The following BRIP1 variants were observed in gnomAD, a reference collection of about 807,000 sequenced individuals.
BRIP1 encodes BRCA1 interacting DNA helicase 1.
BRIP1 carries 88 observed loss-of-function variants against 119.7 expected under a neutral mutation model. The ratio of observed to expected loss-of-function variants is 0.74; its 90% CI spans 0.62 to 0.88. BRIP1 has a LOEUF of 0.88. Among genes scored for constraint, BRIP1 ranks in the 40% least tolerant of loss-of-function variants. The pLI is 0.00. For synonymous variants in BRIP1, 443 were observed against 496.5 expected (o/e 0.89, Z 1.43); for missense variants, 1,259 against 1,455.4 (o/e 0.87, Z 2.20).
In BRIP1 at chr17:61,726,257, C is replaced by T. The variant is rs2144520143; in HGVS notation, c.2380-10194G>A. Among the ~76,000 whole-genome samples the T allele has an allele frequency of 6.6e-6, 1 of 152,266 alleles. No individual in the cohort carries two copies. The highest frequency in any genetic ancestry group is 1.9e-4 in the East Asian group (1 of 5,186). On this transcript the variant is annotated intron_variant, in intron 16 of 19. Coordinates refer to ENST00000259008, the MANE Select transcript of BRIP1 (RefSeq NM_032043.3). The surrounding 1 kb of genome is among the most constrained non-coding windows in gnomAD (Gnocchi z 6.2). ...TTGAAGTTGGAGACTGTGTGCCAAC[C>T]TTACCTTAGAGAATTGGTTGAAGAA...
rs867930516 is a variant in BRIP1 at position 61,732,696 on chromosome 17, A to T, written c.2379+10317T>A. ...TGACAAAACATTCAATATCATTAAC[A>T]TTTTTTTTTTTTTGAGACAGTGTCT... is the stretch of plus-strand genomic sequence containing the variant. On this transcript the variant is annotated intron_variant, in intron 16 of 19. Transcript: ENST00000259008. Among the ~76,000 whole-genome samples the T allele has an allele frequency of 5.0e-4, 73 of 146,494 alleles. 1 individual carries two copies. Among genetic ancestry groups the T allele is most frequent in the South Asian group, 8.7e-4 (4 of 4,608 alleles).
At chr17:61,721,692 CTTTTTT>C (rs71150632) in intron 16 of BRIP1, among the ~76,000 whole-genome samples, 5 of 73,632 alleles carry the variant, frequency 6.8e-5, no homozygotes, top group South Asian at 1.2e-3. Flanking sequence ...TAGACTTTGC[CTTTTTT>C]TTTTTTTTTT....
In BRIP1 at chr17:61,728,871, A is replaced by G. The variant is rs190650268; in HGVS notation, c.2380-12808T>C. On this transcript the variant is annotated intron_variant, in intron 16 of 19. Transcript: ENST00000259008. ...ACTGGCCTGTTATCTGACAGGTCTGATAGAAAAACTGTATTGAGAGGCATG... is the reference window on the plus strand; with the variant it reads ...ACTGGCCTGTTATCTGACAGGTCTGGTAGAAAAACTGTATTGAGAGGCATG... 2.5e-3 allele frequency among the ~76,000 whole-genome samples: 374 copies of G among 152,310 alleles called. 4 individuals carry two copies. Among genetic ancestry groups the G allele is most frequent in the Non-Finnish European group, 3.1e-3 (214 of 68,020 alleles).
At position 61,729,501 on chromosome 17, in the gene BRIP1, A is replaced by C. The variant is rs550718430; in HGVS notation, c.2380-13438T>G. Among the ~76,000 whole-genome samples, 2 of 152,254 alleles carry C rather than the reference A, an allele frequency of 1.3e-5. No individual in the cohort carries two copies. Among genetic ancestry groups the C allele is most frequent in the East Asian group, 3.9e-4 (2 of 5,178 alleles). On this transcript the variant is annotated intron_variant, in intron 16 of 19. Transcript: ENST00000259008. This position sits in a 1 kb window ranked among gnomAD's most constrained non-coding sequence, Gnocchi z 5.6. ...ATTTAATAGTTCATGTCTAAAACTG[A>C]TTAAATAAAGATAAAATATGGAGGT...
In BRIP1 at chr17:61,741,066, A is replaced by G. The variant is rs538731472; in HGVS notation, c.2379+1947T>C. Among the ~76,000 whole-genome samples the G allele has an allele frequency of 2.5e-4, 38 of 152,292 alleles. No individual in the cohort carries two copies. The South Asian group carries it at 5.4e-3, about 22-fold the overall frequency. On this transcript the variant is annotated intron_variant, in intron 16 of 19. Transcript: ENST00000259008. Reference sequence around the variant, plus strand: ...AACTCTGCCGCTGCTTCATGCACTAAGTTTATTTAATATTCTAACTCCTTT... The same window carrying G: ...AACTCTGCCGCTGCTTCATGCACTAGGTTTATTTAATATTCTAACTCCTTT...
In BRIP1 at chr17:61,780,381, G is replaced by A; in HGVS notation, c.1815C>T (p.Gly605=). ...ATGTCAAAACAATGGTCTGAACTTTGCCATTAATATCTGAAAAGGCCTAAA... is the reference window on the plus strand; with the variant it reads ...ATGTCAAAACAATGGTCTGAACTTTACCATTAATATCTGAAAAGGCCTAAA... The part of the protein sequence containing the change: ...NPAVAFSDIN[G]KVQTIVLTSG... Residue 605 remains glycine (G), a synonymous_variant, in exon 13 of 20, where the codon GGC becomes GGT. Coordinates refer to ENST00000259008, the MANE Select transcript of BRIP1 (RefSeq NM_032043.3). The surrounding 1 kb of genome is among the most constrained non-coding windows in gnomAD (Gnocchi z 5.4). 1 of 1,610,378 alleles carries A rather than the reference G, an allele frequency of 6.2e-7. No homozygotes were observed. The highest frequency in any genetic ancestry group is 8.5e-7 in the Non-Finnish European group (1 of 1,176,678).
In BRIP1 at chr17:61,705,315, C is replaced by A. The variant is rs1489548003; in HGVS notation, c.2492+10636G>T. On this transcript the variant is annotated intron_variant, in intron 17 of 19. Coordinates refer to ENST00000259008, the MANE Select transcript of BRIP1 (RefSeq NM_032043.3). The surrounding 1 kb of genome is among the most constrained non-coding windows in gnomAD (Gnocchi z 5.0). ...TGCAGTATTCCACGGTGTATATGTA[C>A]CACATTTTCTTTATCTAGTCCACCG... is the stretch of plus-strand genomic sequence containing the variant. Among the ~76,000 whole-genome samples the A allele has an allele frequency of 6.6e-6, 1 of 152,046 alleles. No homozygotes were observed. Among genetic ancestry groups the A allele is most frequent in the African/African-American group, 2.4e-5 (1 of 41,384 alleles).
Position 61,834,253 on chromosome 17 carries a change from T to C in BRIP1, c.627+12848A>G, listed in dbSNP as rs955448317. On this transcript the variant is annotated intron_variant, in intron 6 of 19. Coordinates refer to ENST00000259008, the MANE Select transcript of BRIP1 (RefSeq NM_032043.3). The surrounding 1 kb of genome is among the most constrained non-coding windows in gnomAD (Gnocchi z 4.4). Reference sequence around the variant, plus strand: ...TGTGTGTGGGGAGGGAGTATATATGTAATATATGTGTAATATATGTCATAT... The same window carrying C: ...TGTGTGTGGGGAGGGAGTATATATGCAATATATGTGTAATATATGTCATAT... Among the ~76,000 whole-genome samples the C allele has an allele frequency of 1.3e-5, 2 of 152,234 alleles. No homozygotes were observed. Among genetic ancestry groups the C allele is most frequent in the South Asian group, 4.1e-4 (2 of 4,824 alleles).
At position 61,742,826 on chromosome 17, in the gene BRIP1, C is replaced by G. The variant is rs1039403883; in HGVS notation, c.2379+187G>C. ...AATTAACCCAAATGTGAAACAGAAA[C>G]AAGTGACCACATGCTGTTGGAAAAA... On this transcript the variant is annotated intron_variant, in intron 16 of 19. Coordinates refer to ENST00000259008, the MANE Select transcript of BRIP1 (RefSeq NM_032043.3). This position sits in a 1 kb window ranked among gnomAD's most constrained non-coding sequence, Gnocchi z 4.7. 2.0e-5 allele frequency among the ~76,000 whole-genome samples: 3 copies of G among 152,092 alleles called. No individual in the cohort carries two copies. The highest frequency in any genetic ancestry group is 7.2e-5 in the African/African-American group (3 of 41,398).
At chr17:61,765,398 TATATATATATATATATATATATATA>T (rs2077346701) in intron 14 of BRIP1, among the ~76,000 whole-genome samples, 19 of 14,554 alleles carry the variant, frequency 1.3e-3, no homozygotes, top group African/African-American at 2.9e-3. Context: ...TATATATATA[TATATATATATATATATATATATATA>T]TTTTTTTTTT....
At chr17:61,791,814 CAT>C (rs1367661071) in intron 10 of BRIP1, among the ~76,000 whole-genome samples, 1 of 151,896 alleles carries the variant, frequency 6.6e-6, no homozygotes, top group Admixed American at 6.6e-5. Flanking sequence ...AAATGTGGCA[CAT>C]ATATATATAA....
rs996647088 is a variant in BRIP1 at position 61,755,148 on chromosome 17, C to G, written c.2098-10557G>C. Among the ~76,000 whole-genome samples, 1 of 152,120 alleles carries G rather than the reference C, an allele frequency of 6.6e-6. No individual in the cohort carries two copies. The highest frequency in any genetic ancestry group is 1.5e-5 in the Non-Finnish European group (1 of 68,036). On this transcript the variant is annotated intron_variant, in intron 14 of 19. Coordinates refer to ENST00000259008, the MANE Select transcript of BRIP1 (RefSeq NM_032043.3). This position sits in a 1 kb window ranked among gnomAD's most constrained non-coding sequence, Gnocchi z 4.5. ...ACATATAGAAAGTGGTCAGTAAATA[C>G]TTTTTGAATGAATTTTATAAATGAA...
intron 17 of BRIP1, among the ~76,000 whole-genome samples, chr17:61,698,194 A>G (rs1177689677): frequency 6.6e-6 from 1 of 152,112 alleles, no homozygotes; most frequent in East Asian, 1.9e-4. Flanking sequence ...ATTTTCATTT[A>G]TCACAATGTA....
rs2144847199 is a variant in BRIP1, at chr17:61,761,156, A to G, written c.2097+15245T>C. The stretch of plus-strand genomic sequence containing the variant: ...TAATAGAATGAAGGACAAAAACCAT[A>G]TGATCATCTCATTAGATGTAGAAAA... On this transcript the variant is annotated intron_variant, in intron 14 of 19. Coordinates refer to ENST00000259008, the MANE Select transcript of BRIP1 (RefSeq NM_032043.3). This position sits in a 1 kb window ranked among gnomAD's most constrained non-coding sequence, Gnocchi z 6.4. 6.6e-6 allele frequency among the ~76,000 whole-genome samples: 1 copy of G among 152,204 alleles called. No homozygotes were observed. Among genetic ancestry groups the G allele is most frequent in the East Asian group, 1.9e-4 (1 of 5,192 alleles).
chr17:61,859,884 C>G lies in BRIP1; in HGVS notation c.117G>C (p.Lys39Asn), dbSNP rs2145852394. 6.2e-7 allele frequency: 1 copy of G among 1,613,178 alleles called. No individual in the cohort carries two copies. Among genetic ancestry groups the G allele is most frequent in the South Asian group, 1.1e-5 (1 of 91,072 alleles). ...MNSILRGLNS[K>N]QHCLLESPTG... ...TGGGACTCTCCAACAAACAATGTTG[C>G]TTGCTGTTTAATCCTCTGAGAATCT... The change falls in exon 3 of 20, where the codon AAG (lysine) becomes AAC (asparagine). Residue 39 changes from lysine (K) to asparagine (N), a missense_variant. Lys to Asn is a moderately conservative substitution (Grantham distance 94). Around this residue, in one of 3 missense-constraint regions of BRIP1, gnomAD observed 501 missense variants for 544.0 expected, o/e 0.92. Transcript: ENST00000259008.
At position 61,775,148 on chromosome 17, in the gene BRIP1, A is replaced by AG. The variant is rs1203873230; in HGVS notation, c.2097+1252dup. ...CCCTACAAGTTTTATTGTATGACTT[A>AG]GTATCAAGCTTAATTACTAGTTTTC... On this transcript the variant is annotated intron_variant, in intron 14 of 19. Transcript: ENST00000259008. This position sits in a 1 kb window ranked among gnomAD's most constrained non-coding sequence, Gnocchi z 4.4. Among the ~76,000 whole-genome samples, 1 of 152,214 alleles carries AG rather than the reference A, an allele frequency of 6.6e-6. No homozygotes were observed. The highest frequency in any genetic ancestry group is 1.5e-5 in the Non-Finnish European group (1 of 68,016).
chr17:61,838,687 T>C (rs2078612926), intron 6 of BRIP1, among the ~76,000 whole-genome samples: 1 of 151,896 alleles, frequency 6.6e-6, no homozygotes, highest in Admixed American at 6.6e-5. Context: ...TCAATTTACC[T>C]TATTCAAGAT....
In BRIP1 at chr17:61,706,515, C is replaced by T. The variant is rs9892747; in HGVS notation, c.2492+9436G>A. ...CTACCCACCTCCTGTTTACAATTCC[C>T]ATTCCTCAGAAACAATTACTTTCAA... is the stretch of plus-strand genomic sequence containing the variant. On this transcript the variant is annotated intron_variant, in intron 17 of 19. Transcript: ENST00000259008. This position sits in a 1 kb window ranked among gnomAD's most constrained non-coding sequence, Gnocchi z 5.7. Among the ~76,000 whole-genome samples the T allele has an allele frequency of 0.033, 5,031 of 152,214 alleles. 323 individuals are homozygous for T. The highest frequency in any genetic ancestry group is 0.11 in the African/African-American group (4,775 of 41,524).
chr17:61,760,244 T>G lies in BRIP1; in HGVS notation c.2098-15653A>C, dbSNP rs1395719385. 1.3e-5 allele frequency among the ~76,000 whole-genome samples: 2 copies of G among 151,578 alleles called. No individual in the cohort carries two copies. Among genetic ancestry groups the G allele is most frequent in the Non-Finnish European group, 2.9e-5 (2 of 67,832 alleles). ...AAAGGGAAATTTAAAAAAAATATAT[T>G]GAGACAAACAAAAATGGAAACACAA... On this transcript the variant is annotated intron_variant, in intron 14 of 19. Coordinates refer to ENST00000259008, the MANE Select transcript of BRIP1 (RefSeq NM_032043.3). This position sits in a 1 kb window ranked among gnomAD's most constrained non-coding sequence, Gnocchi z 4.6.
Sources: gnomAD v4.1 joint callset for allele counts (sites outside exome capture counted in the v4.1 genomes callset) on GRCh38, gnomAD v4.1.1 for gene constraint, gnomAD v4.1.1 regional missense constraint, Gnocchi (gnomAD v3.1) non-coding constraint, MANE v1.5 for transcripts, NCBI Gene and HGNC (gene_info 2026-07-23, HGNC 2026-07-21) for gene names.